The following DGCR2 variants were observed in gnomAD, a reference collection of about 807,000 sequenced individuals.
DGCR2 encodes integral membrane protein DGCR2/IDD.
Under a neutral mutation model 51.6 loss-of-function variants are expected in DGCR2, and 24 were observed. That is an observed-to-expected ratio of 0.47 (90% CI 0.34 to 0.65). DGCR2 has a LOEUF of 0.65. Ranked by LOEUF, DGCR2 falls within the 30% of genes least tolerant of loss-of-function variation. The pLI is 0.01. For missense variants in DGCR2, 765 were observed against 772.1 expected, an observed-to-expected ratio of 0.99 and a Z score of 0.11; for synonymous variants, 340 against 315.4, an observed-to-expected ratio of 1.08 and a Z score of -0.82.
Position 19,036,944 on chromosome 22 carries a change from G to A in DGCR2, c.*1921C>T, listed in dbSNP as rs1257634700. ...CCTGTCCCGCACACACAGTTCTGAG[G>A]CCTGGCAGGAATCCTCTGAGCTCTC... On this transcript the variant is annotated 3_prime_UTR_variant, in exon 10 of 10. Coordinates refer to ENST00000263196, the MANE Select transcript of DGCR2 (RefSeq NM_005137.3). 2.0e-5 allele frequency: 3 copies of A among 152,246 alleles called. No homozygotes were observed. The highest frequency in any genetic ancestry group is 4.8e-5 in the African/African-American group (2 of 41,400). 9.4% of individuals were successfully genotyped at this position (152,246 alleles called of 1,614,324 possible). A position where few individuals can be genotyped will look rare whatever the true frequency, so the allele number is the denominator to read the frequency against.
At chr22:19,109,485 A>G (rs759797675) in intron 1 of DGCR2, among the ~76,000 whole-genome samples, 11 of 152,368 alleles carry the variant, frequency 7.2e-5, no homozygotes, top group Middle Eastern at 3.4e-3. Context: ...ACATGCTACA[A>G]CATGGATGAA....
chr22:19,039,307 C>T (rs2082406222), intron 9 of DGCR2, among the ~76,000 whole-genome samples, 186 bp from the exon 10 acceptor site: 1 of 152,182 alleles, frequency 6.6e-6, no homozygotes, highest in African/African-American at 2.4e-5. Flanking sequence ...CCACATGACA[C>T]CTGTTGTACC....
At chr22:19,066,306 T>C (rs2082747861) in intron 3 of DGCR2, among the ~76,000 whole-genome samples, 2 of 151,482 alleles carry the variant, frequency 1.3e-5, no homozygotes, top group Admixed American at 1.3e-4. Context: ...GAGGCTGAGG[T>C]TGGAGGATCA....
chr22:19,063,338 G>C (rs1355023103), intron 4 of DGCR2, 60 bp from the exon 5 acceptor site: 9 of 1,521,596 alleles, frequency 5.9e-6, no homozygotes, highest in Non-Finnish European at 7.3e-6. Flanking sequence ...AACCATCAAT[G>C]ACTGTGTGTT....
chr22:19,038,784 G>A lies in DGCR2; in HGVS notation c.*81C>T, dbSNP rs2082398305. The A allele has an allele frequency of 6.5e-7, 1 of 1,546,588 alleles. No homozygotes were observed. Among genetic ancestry groups the A allele is most frequent in the Non-Finnish European group, 8.8e-7 (1 of 1,138,578 alleles). On this transcript the variant is annotated 3_prime_UTR_variant, in exon 10 of 10. Coordinates refer to ENST00000263196, the MANE Select transcript of DGCR2 (RefSeq NM_005137.3). ...TGCGTGGCGTCCAGGCTGGGACAGGGGCCTTTCAAGTCTCCCCAGGGACCG... is the reference window on the plus strand; with the variant it reads ...TGCGTGGCGTCCAGGCTGGGACAGGAGCCTTTCAAGTCTCCCCAGGGACCG...
chr22:19,062,779 A>ATTCATTTTCTCTCTCTCTCTCT, intron 5 of DGCR2, among the ~76,000 whole-genome samples: 1 of 127,354 alleles, frequency 7.9e-6, no homozygotes, highest in Non-Finnish European at 1.8e-5. Flanking sequence ...ATGCATGCTC[A>ATTCATTTTCTCTCTCTCTCTCT]CTCTCTCTCT....
chr22:19,062,625 G>A (rs1268302137), intron 5 of DGCR2, among the ~76,000 whole-genome samples: 1 of 152,076 alleles, frequency 6.6e-6, no homozygotes, highest in African/African-American at 2.4e-5. Context: ...TCCAGGAGGA[G>A]CTCGCCAGTG....
chr22:19,091,966 G>T (rs73158839), intron 1 of DGCR2, among the ~76,000 whole-genome samples: 1 of 151,870 alleles, frequency 6.6e-6, no homozygotes, highest in Non-Finnish European at 1.5e-5. Flanking sequence ...GAAAAATAGA[G>T]AAAATAAGAA....
rs968911168 is a variant in DGCR2 at position 19,103,774 on chromosome 22, G to A, written c.80-14284C>T. Among the ~76,000 whole-genome samples the A allele has an allele frequency of 9.4e-5, 14 of 149,162 alleles. No individual in the cohort carries two copies. The South Asian group carries it at 1.3e-3, about 14-fold the overall frequency. Reference sequence around the variant, plus strand: ...AAAAAAAAAAAAAAAGGCCAGGTGCGGTGGCTCATGCCTATAATCCCAGCA... The same window carrying A: ...AAAAAAAAAAAAAAAGGCCAGGTGCAGTGGCTCATGCCTATAATCCCAGCA... On this transcript the variant is annotated intron_variant, in intron 1 of 9. Transcript: ENST00000263196.
At chr22:19,062,779 A>G (rs552562432) in intron 5 of DGCR2, among the ~76,000 whole-genome samples, 104 of 127,374 alleles carry the variant, frequency 8.2e-4, no homozygotes, top group Admixed American at 9.4e-4. Flanking sequence ...ATGCATGCTC[A>G]CTCTCTCTCT....
intron 6 of DGCR2, among the ~76,000 whole-genome samples, chr22:19,056,769 C>T (rs2082608045): frequency 6.6e-6 from 1 of 152,086 alleles, no homozygotes; most frequent in Non-Finnish European, 1.5e-5. Context: ...GGAAAAGAAG[C>T]TGGGCTCTAA....
chr22:19,089,769 C>T (rs1172946272), intron 1 of DGCR2, among the ~76,000 whole-genome samples: 1 of 152,170 alleles, frequency 6.6e-6, no homozygotes, highest in South Asian at 2.1e-4. Flanking sequence ...TTAGTAGAGA[C>T]GGGGTTTTGC....
intron 2 of DGCR2, among the ~76,000 whole-genome samples, chr22:19,084,488 C>T (rs1213977742): frequency 1.3e-5 from 2 of 149,160 alleles, no homozygotes; most frequent in Non-Finnish European, 3.0e-5. Context: ...GCCCGGGAGC[C>T]GCCCCGTCTG....
chr22:19,122,174 C>G lies in DGCR2; in HGVS notation c.33G>C (p.Leu11=), dbSNP rs781271670. The G allele has an allele frequency of 6.6e-7, 1 of 1,511,766 alleles. No homozygotes were observed. The highest frequency in any genetic ancestry group is 2.1e-5 in the Admixed American group (1 of 46,692). 93.6% of individuals were successfully genotyped at this position (1,511,766 alleles called of 1,614,324 possible). Residue 11 remains leucine, a synonymous_variant, in exon 1 of 10, where the codon CTG becomes CTC. Transcript: ENST00000263196. ...CAGTGAGCACGAGCAGGAAGAGCAG[C>G]AGGAAGGCGCCGCTGTCTGCCTTGG... The part of the protein sequence containing the change: MVPKADSGAF[L]LLFLLVLTVT...
At chr22:19,078,217 C>A (rs1249149461) in intron 2 of DGCR2, among the ~76,000 whole-genome samples, 1 of 152,116 alleles carries the variant, frequency 6.6e-6, no homozygotes, top group Non-Finnish European at 1.5e-5. Context: ...ACAGACAGAC[C>A]CCCAACTTAT....
intron 1 of DGCR2, among the ~76,000 whole-genome samples, chr22:19,111,996 A>G (rs910011691): frequency 6.6e-6 from 1 of 152,186 alleles, no homozygotes; most frequent in Non-Finnish European, 1.5e-5. Flanking sequence ...TTATTGGCTG[A>G]GCATGATGGC....
intron 2 of DGCR2, among the ~76,000 whole-genome samples, chr22:19,084,539 A>G (rs1157689561): frequency 7.3e-5 from 8 of 109,576 alleles, no homozygotes; most frequent in African/African-American, 1.2e-4. Flanking sequence ...GCCCCGTCTG[A>G]GAAGTGAGGA....
intron 6 of DGCR2, among the ~76,000 whole-genome samples, chr22:19,050,896 C>A (rs1376941171): frequency 6.6e-6 from 1 of 152,074 alleles, no homozygotes; most frequent in Non-Finnish European, 1.5e-5. Flanking sequence ...AAAGAATAAT[C>A]CATAAAAGGA....
At chr22:19,113,305 G>C (rs540628236) in intron 1 of DGCR2, among the ~76,000 whole-genome samples, 6 of 152,122 alleles carry the variant, frequency 3.9e-5, no homozygotes, top group African/African-American at 9.6e-5. Flanking sequence ...GGGAGGCGGA[G>C]GTTGCAGTGA....
Sources: gnomAD v4.1 joint callset for allele counts (sites outside exome capture counted in the v4.1 genomes callset) on GRCh38, gnomAD v4.1.1 for gene constraint, MANE v1.5 for transcripts, NCBI Gene and HGNC (gene_info 2026-07-23, HGNC 2026-07-21) for gene names.